Variants in NRXN3 observed in about 807,000 individuals in gnomAD.
NRXN3 encodes neurexin III.
In NRXN3, 32 loss-of-function variants were observed where a neutral mutation model predicts 137.6. The ratio of observed to expected loss-of-function variants is 0.23; its 90% CI spans 0.18 to 0.31. The LOEUF (loss-of-function observed/expected upper bound fraction) is 0.31, where lower values mean the gene tolerates loss of function less well. Among genes scored for constraint, NRXN3 ranks in the 10% least tolerant of loss-of-function variants. NRXN3 has a pLI of 1.00. For missense variants in NRXN3, 1,574 were observed against 2,062.5 expected (o/e 0.76, Z 4.59); for synonymous variants, 798 against 784.5 (o/e 1.02, Z -0.29).
chr14:78,189,452 C>T (rs183904109), intron 1 of NRXN3, among the ~76,000 whole-genome samples: 15 of 152,322 alleles, frequency 9.8e-5, no homozygotes, highest in Admixed American at 7.8e-4. Flanking sequence ...GCACCCAGCA[C>T]CTTCCTGCCC....
intron 16 of NRXN3, 100 bp from the exon 17 acceptor site, chr14:79,663,678 C>G: frequency 2.2e-6 from 2 of 918,384 alleles, no homozygotes; most frequent in African/African-American, 1.7e-5. Context: ...ACAGCTCCCT[C>G]TGGGCACCTA....
chr14:78,335,603 T>C (rs997664010), intron 4 of NRXN3, among the ~76,000 whole-genome samples: 6 of 152,208 alleles, frequency 3.9e-5, no homozygotes, highest in Non-Finnish European at 8.8e-5. Context: ...AGTAGACACA[T>C]TAATTCAGCA....
At chr14:78,241,613 C>G (rs11159343) in intron 1 of NRXN3, among the ~76,000 whole-genome samples, 50,505 of 150,504 alleles carry the variant, frequency 0.34, 9,846 homozygotes, top group Middle Eastern at 0.49. Context: ...GAGCAAGACT[C>G]TGTCTCGAAA....
At chr14:79,164,825 T>C (rs1475777999) in intron 15 of NRXN3, among the ~76,000 whole-genome samples, 1 of 151,998 alleles carries the variant, frequency 6.6e-6, no homozygotes, top group East Asian at 1.9e-4. Context: ...CTTACTGAAA[T>C]TTTATGGTTT....
intron 15 of NRXN3, among the ~76,000 whole-genome samples, chr14:79,221,661 C>A (rs2069714809): frequency 6.6e-6 from 1 of 152,016 alleles, no homozygotes; most frequent in South Asian, 2.1e-4. Context: ...AGCCCTTTAT[C>A]AGATGGATAG....
chr14:78,374,644 C>T (rs2087475946), intron 4 of NRXN3, among the ~76,000 whole-genome samples: 1 of 151,884 alleles, frequency 6.6e-6, no homozygotes, highest in African/African-American at 2.4e-5. Flanking sequence ...GTATCCTTCG[C>T]CTATAATCCC....
chr14:78,983,129 AAAAC>A (rs2099493770), intron 14 of NRXN3, among the ~76,000 whole-genome samples: 1 of 152,226 alleles, frequency 6.6e-6, no homozygotes, highest in African/African-American at 2.4e-5. Context: ...CAAAAAGACA[AAAAC>A]AACAACAACA....
chr14:78,376,798 G>A (rs1331402096), intron 4 of NRXN3, among the ~76,000 whole-genome samples: 2 of 152,140 alleles, frequency 1.3e-5, no homozygotes, highest in Non-Finnish European at 2.9e-5. Context: ...ATAATTAACA[G>A]GGGTAGGTAA....
intron 1 of NRXN3, among the ~76,000 whole-genome samples, chr14:78,230,526 G>A (rs1239743424): frequency 6.6e-6 from 1 of 152,146 alleles, no homozygotes; most frequent in Non-Finnish European, 1.5e-5. Context: ...CACTAAACCT[G>A]CCATCCTTCT....
At chr14:79,860,142 G>A (rs1325551410) in intron 20 of NRXN3, among the ~76,000 whole-genome samples, 1 of 152,106 alleles carries the variant, frequency 6.6e-6, no homozygotes, top group Non-Finnish European at 1.5e-5. Flanking sequence ...ATGATTCTAA[G>A]TGCAATAACG....
intron 16 of NRXN3, among the ~76,000 whole-genome samples, chr14:79,642,637 GT>G (rs2153960827): frequency 7.4e-6 from 1 of 134,628 alleles, no homozygotes; most frequent in African/African-American, 2.5e-5. Context: ...TTATCTGTTT[GT>G]TTAGTACACC....
At chr14:78,355,115 C>T (rs1427349196) in intron 4 of NRXN3, among the ~76,000 whole-genome samples, 1 of 152,214 alleles carries the variant, frequency 6.6e-6, no homozygotes, top group Non-Finnish European at 1.5e-5. Flanking sequence ...TGACCATAGA[C>T]TCCTAATTGG....
chr14:78,614,288 T>C (rs1450805034), intron 4 of NRXN3, among the ~76,000 whole-genome samples: 1 of 152,168 alleles, frequency 6.6e-6, no homozygotes, highest in Non-Finnish European at 1.5e-5. Flanking sequence ...CAGTAGGGCA[T>C]GTATTGATCT....
intron 15 of NRXN3, among the ~76,000 whole-genome samples, chr14:79,048,097 C>CTACAA (rs111909305): frequency 0.38 from 57,223 of 151,636 alleles, 11,214 homozygotes; most frequent in Admixed American, 0.49. Flanking sequence ...AAATAATAAA[C>CTACAA]TACAAGTAAA....
chr14:78,300,312 C>A (rs150969563), intron 4 of NRXN3, among the ~76,000 whole-genome samples: 10 of 152,328 alleles, frequency 6.6e-5, no homozygotes, highest in Admixed American at 2.0e-4. Flanking sequence ...TAAGTGCATG[C>A]AATTTCACAT....
At chr14:79,799,846 T>C (rs2099171589) in intron 19 of NRXN3, among the ~76,000 whole-genome samples, 1 of 152,204 alleles carries the variant, frequency 6.6e-6, no homozygotes, top group African/African-American at 2.4e-5. Flanking sequence ...TTTACTTGCC[T>C]GTCTCATCAG....
intron 10 of NRXN3, among the ~76,000 whole-genome samples, chr14:78,942,694 T>C (rs1383440600): frequency 6.6e-6 from 1 of 151,954 alleles, no homozygotes; most frequent in Admixed American, 6.6e-5. Context: ...AAAAAATAAG[T>C]GCTAGTGTTC....
intron 3 of NRXN3, among the ~76,000 whole-genome samples, chr14:78,279,403 A>G (rs962205986): frequency 5.9e-5 from 9 of 152,390 alleles, no homozygotes; most frequent in Admixed American, 5.9e-4. Context: ...GATAAGTGTC[A>G]GATGACTTAG....
At chr14:79,815,862 T>C (rs1161113165) in intron 20 of NRXN3, among the ~76,000 whole-genome samples, 2 of 152,144 alleles carry the variant, frequency 1.3e-5, no homozygotes, top group South Asian at 2.1e-4. Context: ...TCATAGATAA[T>C]AGTAAAATTT....
Sources: gnomAD v4.1 joint callset for allele counts (sites outside exome capture counted in the v4.1 genomes callset) on GRCh38, gnomAD v4.1.1 for gene constraint, MANE v1.5 for transcripts, NCBI Gene and HGNC (gene_info 2026-07-23, HGNC 2026-07-21) for gene names.